TENM1: variants seen among roughly 807,000 people sequenced by gnomAD.
The protein encoded by TENM1 is teneurin transmembrane protein 1.
In TENM1, 35 loss-of-function variants were observed where a neutral mutation model predicts 174.8. The ratio of observed to expected loss-of-function variants is 0.20; its 90% CI spans 0.15 to 0.27. TENM1 has a LOEUF of 0.27. Ranked by LOEUF, TENM1 falls within the 10% of genes least tolerant of loss-of-function variation. TENM1 has a pLI of 1.00. For missense variants in TENM1, 1,633 were observed against 2,130.1 expected (o/e 0.77, Z 4.59); for synonymous variants, 781 against 798.7 (o/e 0.98, Z 0.37).
At chrX:125,049,066 T>C in the TENM1 span, among the ~76,000 whole-genome samples, 1,621 of 111,963 alleles carry the variant, frequency 0.014, 13 homozygotes, top group Non-Finnish European at 0.023. Flanking sequence ...TGGCTATTTT[T>C]CCTGTTTTTT....
At chrX:125,048,817 G>A in the TENM1 span, among the ~76,000 whole-genome samples, 25 of 111,440 alleles carry the variant, frequency 2.2e-4, no homozygotes, top group African/African-American at 7.5e-4. Flanking sequence ...AATGCATGTA[G>A]TAGTTAAAAG....
the TENM1 span, among the ~76,000 whole-genome samples, chrX:125,117,375 A>G: frequency 8.9e-6 from 1 of 112,364 alleles, no homozygotes; most frequent in Non-Finnish European, 1.9e-5. Context: ...GCAGCCATAA[A>G]AAAGAATGAG....
the TENM1 span, among the ~76,000 whole-genome samples, chrX:125,183,651 T>C: frequency 2.7e-5 from 3 of 111,578 alleles, no homozygotes; most frequent in Admixed American, 1.9e-4. Context: ...AGCATTTTTA[T>C]CAAGGAAGAA....
At chrX:124,443,044 ATGTGTGTGTG>A (rs59365041) in intron 23 of TENM1, among the ~76,000 whole-genome samples, 1,360 of 51,869 alleles carry the variant, frequency 0.026, 25 homozygotes, top group African/African-American at 0.064. Flanking sequence ...CTGGATGACT[ATGTGTGTGTG>A]TGTGTGTGTG....
intron 22 of TENM1, among the ~76,000 whole-genome samples, chrX:124,481,462 C>T (rs1360266121): frequency 9.1e-6 from 1 of 109,800 alleles, no homozygotes; most frequent in Non-Finnish European, 1.9e-5. Flanking sequence ...AGGGTTCTGG[C>T]TAATAGTTAT....
intron 25 of TENM1, among the ~76,000 whole-genome samples, chrX:124,414,395 T>A (rs773757007): frequency 9.0e-6 from 1 of 111,642 alleles, no homozygotes; most frequent in Admixed American, 9.5e-5. Flanking sequence ...TTTGCAGCCT[T>A]GTGGAGAAAG....
intron 11 of TENM1, among the ~76,000 whole-genome samples, chrX:124,635,079 A>G (rs1053686048): frequency 5.4e-5 from 6 of 111,917 alleles, no homozygotes; most frequent in African/African-American, 1.6e-4. Flanking sequence ...TAAACTCAAG[A>G]GAGTTTATGA....
At chrX:124,747,824 G>A (rs1816864139) in intron 3 of TENM1, among the ~76,000 whole-genome samples, 1 of 110,797 alleles carries the variant, frequency 9.0e-6, no homozygotes, top group African/African-American at 3.3e-5. Context: ...CACAGAGTGT[G>A]ATCTGGGTTC....
intron 3 of TENM1, among the ~76,000 whole-genome samples, chrX:124,798,216 A>C (rs1057214608): frequency 1.8e-5 from 2 of 111,538 alleles, no homozygotes; most frequent in Non-Finnish European, 3.8e-5. Context: ...CCATAATGGG[A>C]TTGCTGGGTC....
In TENM1 at chrX:124,935,906, T is replaced by C. The variant is rs376701780; in HGVS notation, c.217+27631A>G. Among the ~76,000 whole-genome samples, 12 of 112,194 alleles carry C rather than the reference T, an allele frequency of 1.1e-4. No homozygotes were observed. In the East Asian group the frequency reaches 3.4e-3, roughly 31 times the overall value. On this transcript the variant is annotated intron_variant, in intron 1 of 31. Coordinates refer to ENST00000422452, the Ensembl canonical transcript of TENM1. ...CTTCCTGTCCACTCAAATACAGCCC[T>C]GAACATAAGGTCCTTTAGGTTATAT...
At chrX:125,094,824 T>A in the TENM1 span, among the ~76,000 whole-genome samples, 1 of 112,327 alleles carries the variant, frequency 8.9e-6, no homozygotes, top group Non-Finnish European at 1.9e-5. Flanking sequence ...TTATTTTGAT[T>A]GTCAGAACCT....
chrX:125,000,203 T>C, the TENM1 span, among the ~76,000 whole-genome samples: 1 of 112,155 alleles, frequency 8.9e-6, no homozygotes, highest in Non-Finnish European at 1.9e-5. Context: ...GATAGTTTAT[T>C]ATTCATGTTC....
At chrX:124,457,393 A>AT (rs1242048803) in intron 22 of TENM1, among the ~76,000 whole-genome samples, 1 of 111,906 alleles carries the variant, frequency 8.9e-6, no homozygotes, top group Admixed American at 9.5e-5. Context: ...TTGTAAAAAA[A>AT]TTATTCACAA....
At chrX:124,449,031 T>C (rs1315851791) in intron 23 of TENM1, among the ~76,000 whole-genome samples, 3 of 111,882 alleles carry the variant, frequency 2.7e-5, no homozygotes, top group Non-Finnish European at 1.9e-5. Flanking sequence ...GTGGACAAAT[T>C]GGATTTACTC....
intron 14 of TENM1, 101 bp from the exon 18 acceptor site, chrX:124,547,191 G>T: frequency 3.2e-6 from 2 of 632,044 alleles, no homozygotes; most frequent in Non-Finnish European, 4.7e-6. Flanking sequence ...TATAGCCAAA[G>T]ATAATCAACC....
At chrX:124,613,713 C>T (rs1353097271) in intron 11 of TENM1, among the ~76,000 whole-genome samples, 1 of 111,405 alleles carries the variant, frequency 9.0e-6, no homozygotes, top group Non-Finnish European at 1.9e-5. Flanking sequence ...GTAGTTTTGA[C>T]TTAAGTTAAA....
At chrX:124,461,691 A>G (rs113203419) in intron 22 of TENM1, among the ~76,000 whole-genome samples, 1 of 111,746 alleles carries the variant, frequency 8.9e-6, no homozygotes, top group Non-Finnish European at 1.9e-5. Flanking sequence ...GTGGGAGCTA[A>G]AAAAGAGAGT....
intron 14 of TENM1, among the ~76,000 whole-genome samples, chrX:124,561,397 G>A (rs1168483558): frequency 9.1e-6 from 1 of 110,099 alleles, no homozygotes; most frequent in African/African-American, 3.3e-5. Context: ...TCTACAAGTG[G>A]GGAAAATAGT....
At chrX:124,944,770 G>A (rs1056846983) in intron 1 of TENM1, among the ~76,000 whole-genome samples, 1 of 107,902 alleles carries the variant, frequency 9.3e-6, no homozygotes, top group African/African-American at 3.4e-5. Context: ...ATACTAATAA[G>A]TATAAATGTA....
Sources: gnomAD v4.1 joint callset for allele counts (sites outside exome capture counted in the v4.1 genomes callset) on GRCh38, gnomAD v4.1.1 for gene constraint, MANE v1.5 for transcripts, NCBI Gene and HGNC (gene_info 2026-07-23, HGNC 2026-07-21) for gene names.